Variants in SORCS1 observed in about 807,000 individuals in gnomAD.
SORCS1 encodes VPS10 domain-containing receptor SorCS1.
A neutral mutation model predicts 146.1 loss-of-function variants in SORCS1; 60 were observed. That is an observed-to-expected ratio of 0.41 (90% CI 0.33 to 0.51). The LOEUF (loss-of-function observed/expected upper bound fraction) is 0.51, where lower values mean the gene tolerates loss of function less well. Among genes scored for constraint, SORCS1 ranks in the 20% least tolerant of loss-of-function variants. SORCS1 has a pLI of 0.21. For missense variants in SORCS1, 1,352 were observed against 1,487.6 expected, an observed-to-expected ratio of 0.91 and a Z score of 1.50; for synonymous variants, 637 against 584.0, an observed-to-expected ratio of 1.09 and a Z score of -1.31.
intron 18 of SORCS1, among the ~76,000 whole-genome samples, chr10:106,651,103 A>G (rs977832227): frequency 1.3e-5 from 2 of 152,160 alleles, no homozygotes; most frequent in African/African-American, 4.8e-5. Context: ...AGAGGCACAC[A>G]TCAAGGAGAT....
chr10:106,771,410 C>G (rs1246507870), intron 4 of SORCS1, among the ~76,000 whole-genome samples: 1 of 152,176 alleles, frequency 6.6e-6, no homozygotes, highest in African/African-American at 2.4e-5. Context: ...CTGGCAGGCT[C>G]AGCCTTCTGC....
At chr10:106,740,112 C>G (rs1437104882) in intron 5 of SORCS1, among the ~76,000 whole-genome samples, 2 of 152,146 alleles carry the variant, frequency 1.3e-5, no homozygotes, top group Non-Finnish European at 2.9e-5. Flanking sequence ...ACCCCCAATA[C>G]ATGATGGTTT....
chr10:106,679,827 T>C, intron 10 of SORCS1, 93 bp from the exon 11 acceptor site: 1 of 984,250 alleles, frequency 1.0e-6, no homozygotes, highest in Non-Finnish European at 1.5e-6. Context: ...TAACCAACCA[T>C]CCCATTTACC....
At chr10:106,796,821 T>C (rs1042858661) in intron 3 of SORCS1, among the ~76,000 whole-genome samples, 10 of 152,170 alleles carry the variant, frequency 6.6e-5, no homozygotes, top group African/African-American at 1.7e-4. Context: ...TAGAAAATAA[T>C]GTACCTGGCC....
At chr10:107,075,850 T>G (rs1320649779) in intron 1 of SORCS1, among the ~76,000 whole-genome samples, 1 of 152,086 alleles carries the variant, frequency 6.6e-6, no homozygotes, top group Non-Finnish European at 1.5e-5. Flanking sequence ...CTCTTTAATC[T>G]CTCTACACTT....
intron 2 of SORCS1, 84 bp downstream of exon 2, chr10:106,956,429 T>C (rs1194440226): frequency 1.6e-6 from 2 of 1,273,914 alleles, no homozygotes; most frequent in African/African-American, 1.5e-5. Flanking sequence ...GGAACCTTCC[T>C]GCCAGGAAAA....
At chr10:107,072,746 A>C (rs577424911) in intron 1 of SORCS1, among the ~76,000 whole-genome samples, 3 of 129,190 alleles carry the variant, frequency 2.3e-5, no homozygotes, top group Admixed American at 1.5e-4. Context: ...ATAAATTAAA[A>C]AAGAAAAAAA....
intron 1 of SORCS1, among the ~76,000 whole-genome samples, chr10:107,076,796 G>A (rs545532607): frequency 6.6e-6 from 1 of 152,234 alleles, no homozygotes; most frequent in African/African-American, 2.4e-5. Context: ...AGGTTCTGAT[G>A]GTGGCTGTTA....
intron 1 of SORCS1, among the ~76,000 whole-genome samples, chr10:107,008,807 C>A (rs1957562111): frequency 6.6e-6 from 1 of 152,104 alleles, no homozygotes; most frequent in African/African-American, 2.4e-5. Flanking sequence ...ATCATCCTGG[C>A]CAACATGGTG....
chr10:107,015,456 AG>A (rs1203995307), intron 1 of SORCS1, among the ~76,000 whole-genome samples: 3 of 152,194 alleles, frequency 2.0e-5, no homozygotes, highest in African/African-American at 7.2e-5. Flanking sequence ...TAGGCATGCC[AG>A]TAACTGAGGG....
intron 1 of SORCS1, among the ~76,000 whole-genome samples, chr10:106,968,145 G>A (rs1400044831): frequency 6.6e-6 from 1 of 152,064 alleles, no homozygotes; most frequent in African/African-American, 2.4e-5. Context: ...AGGAGGCGGA[G>A]CTTGCAGTGA....
chr10:106,821,871 G>C (rs999512572), intron 3 of SORCS1, among the ~76,000 whole-genome samples: 4 of 151,554 alleles, frequency 2.6e-5, no homozygotes, highest in South Asian at 2.1e-4. Context: ...GCAGTGAGCC[G>C]AGATCGTGCC....
At chr10:106,837,843 G>A (rs1277529380) in intron 2 of SORCS1, among the ~76,000 whole-genome samples, 2 of 151,890 alleles carry the variant, frequency 1.3e-5, no homozygotes, top group African/African-American at 4.8e-5. Context: ...TCTGAACAAT[G>A]CTCATGTTGT....
At chr10:106,731,947 G>A (rs1332969562) in intron 5 of SORCS1, among the ~76,000 whole-genome samples, 1 of 152,122 alleles carries the variant, frequency 6.6e-6, no homozygotes, top group Non-Finnish European at 1.5e-5. Flanking sequence ...AGAAAGCGAA[G>A]GGGCTATAAA....
At chr10:106,874,890 CAA>C in intron 2 of SORCS1, among the ~76,000 whole-genome samples, 1 of 152,276 alleles carries the variant, frequency 6.6e-6, no homozygotes, top group Non-Finnish European at 1.5e-5. Context: ...GGGATTTCAG[CAA>C]AGACATATCA....
intron 2 of SORCS1, among the ~76,000 whole-genome samples, chr10:106,867,372 C>T (rs1447414524): frequency 1.3e-5 from 2 of 151,688 alleles, no homozygotes; most frequent in Non-Finnish European, 2.9e-5. Context: ...GCAAGTTCTG[C>T]CTCCCAGGTT....
At chr10:107,006,293 GA>G (rs1239115370) in intron 1 of SORCS1, among the ~76,000 whole-genome samples, 2 of 151,812 alleles carry the variant, frequency 1.3e-5, no homozygotes, top group Non-Finnish European at 2.9e-5. Flanking sequence ...CTTAGCACCT[GA>G]CAGGTACTAG....
intron 1 of SORCS1, among the ~76,000 whole-genome samples, chr10:106,997,936 G>T (rs1387826450): frequency 6.6e-6 from 1 of 152,164 alleles, no homozygotes; most frequent in Non-Finnish European, 1.5e-5. Context: ...GAAAGAGGAA[G>T]GACTTTGCAT....
At chr10:107,125,522 T>C (rs1966665744) in intron 1 of SORCS1, among the ~76,000 whole-genome samples, 1 of 152,222 alleles carries the variant, frequency 6.6e-6, no homozygotes. Context: ...TAGTGGTGGC[T>C]ATACAATTTT....
Sources: gnomAD v4.1 joint callset for allele counts (sites outside exome capture counted in the v4.1 genomes callset) on GRCh38, gnomAD v4.1.1 for gene constraint, MANE v1.5 for transcripts, NCBI Gene and HGNC (gene_info 2026-07-23, HGNC 2026-07-21) for gene names.